Variants in RBM27 observed in about 807,000 individuals in gnomAD.
RBM27 encodes RNA binding motif protein 27, also known as RNA-binding protein 27.
RBM27 carries 22 observed loss-of-function variants against 135.3 expected under a neutral mutation model. The observed-to-expected ratio is 0.16, with a 90% CI of 0.12 to 0.23. The LOEUF (loss-of-function observed/expected upper bound fraction) is 0.23. RBM27 is among the 10% of genes least tolerant of loss of function. The pLI is 1.00. For synonymous variants in RBM27, 481 were observed against 442.4 expected, an observed-to-expected ratio of 1.09 and a Z score of -1.10; for missense variants, 1,009 against 1,281.0, an observed-to-expected ratio of 0.79 and a Z score of 3.24.
intron 12 of RBM27, 64 bp downstream of exon 12, chr5:146,260,962 A>G: frequency 6.8e-7 from 1 of 1,469,660 alleles, no homozygotes; most frequent in South Asian, 1.3e-5. Context: ...TATTTCTATC[A>G]GCTCACCTTG....
intron 19 of RBM27, among the ~76,000 whole-genome samples, chr5:146,280,907 G>T (rs778112729): frequency 1.3e-5 from 2 of 151,854 alleles, no homozygotes; most frequent in Non-Finnish European, 2.9e-5. Flanking sequence ...ACTCAGGCTG[G>T]AGTGCAGTGG....
intron 8 of RBM27, chr5:146,245,358 C>G (rs1757581605): frequency 6.6e-6 from 1 of 152,134 alleles, no homozygotes; most frequent in Non-Finnish European, 1.5e-5. Flanking sequence ...TTGGTCTGTT[C>G]TGCTTCTTGA....
chr5:146,208,737 G>A (rs1755813913), intron 1 of RBM27, among the ~76,000 whole-genome samples: 1 of 152,128 alleles, frequency 6.6e-6, no homozygotes, highest in Non-Finnish European at 1.5e-5. Flanking sequence ...GGAAATAAGT[G>A]CATCACTAAA....
chr5:146,284,707 C>T lies in RBM27; in HGVS notation c.3074C>T (p.Thr1025Ile). ...AAGGTACCATCTATATCCACTGAGACTGAAGAAGAAGAAGTCAAGGAGGAG... is the reference window on the plus strand; with the variant it reads ...AAGGTACCATCTATATCCACTGAGATTGAAGAAGAAGAAGTCAAGGAGGAG... ...KPKVPSISTE[T>I]EEEEVKEEET... The change falls in exon 20 of 21, where the codon ACT (threonine) becomes ATT (isoleucine). Residue 1025 changes from threonine to isoleucine, a missense_variant. Thr to Ile is a moderately conservative substitution (Grantham distance 89). This residue lies in a region of RBM27 where 355 missense variants were observed against 427.3 expected (regional missense o/e 0.83). Transcript: ENST00000265271. The T allele has an allele frequency of 1.2e-6, 2 of 1,610,504 alleles. No homozygotes were observed. The highest frequency in any genetic ancestry group is 1.7e-6 in the Non-Finnish European group (2 of 1,177,728).
Position 146,218,054 on chromosome 5 carries a change from A to C in RBM27, c.60-931A>C, listed in dbSNP as rs147100125. 2.0e-5 allele frequency among the ~76,000 whole-genome samples: 3 copies of C among 152,164 alleles called. No individual in the cohort carries two copies. In the South Asian group the frequency reaches 6.2e-4, roughly 31 times the overall value. On this transcript the variant is annotated intron_variant, in intron 1 of 20. Transcript: ENST00000265271. ...ATTACAGGCATGAGCCATTGCACCC[A>C]GCCTGAATGTTTTCATTTTACCTTC...
Position 146,260,798 on chromosome 5 carries a change from C to T in RBM27, c.1793C>T (p.Thr598Ile). The change falls in exon 12 of 21, where the codon ACA (threonine) becomes ATA (isoleucine). Residue 598 changes from threonine to isoleucine, a missense_variant. Coordinates refer to ENST00000265271, the MANE Select transcript of RBM27 (RefSeq NM_018989.2). Reference sequence around the variant, plus strand: ...GGGTTCTTACGAAAGAATCAGTATACAAACACCAAATTAGAAGTCAAGAAA... The same window carrying T: ...GGGTTCTTACGAAAGAATCAGTATATAAACACCAAATTAGAAGTCAAGAAA... ...KPGFLRKNQYTNTKLEVKKIP... is the reference protein window; with the variant it reads ...KPGFLRKNQYINTKLEVKKIP... The T allele has an allele frequency of 6.2e-7, 1 of 1,613,250 alleles. No individual in the cohort carries two copies. Among genetic ancestry groups the T allele is most frequent in the Non-Finnish European group, 8.5e-7 (1 of 1,179,528 alleles).
intron 20 of RBM27, among the ~76,000 whole-genome samples, chr5:146,285,577 A>G (rs1443484405): frequency 6.6e-6 from 1 of 152,162 alleles, no homozygotes; most frequent in Non-Finnish European, 1.5e-5. Flanking sequence ...ATATAAAAAC[A>G]AAGATTTAGG....
At chr5:146,275,357 G>A (rs1421023912) in intron 19 of RBM27, among the ~76,000 whole-genome samples, 1 of 151,428 alleles carries the variant, frequency 6.6e-6, no homozygotes, top group Non-Finnish European at 1.5e-5. Context: ...TGCAATCTCC[G>A]CCTCCTAGGT....
intron 1 of RBM27, among the ~76,000 whole-genome samples, chr5:146,204,390 G>C (rs1755535727): frequency 6.6e-6 from 1 of 152,184 alleles, no homozygotes; most frequent in Non-Finnish European, 1.5e-5. Context: ...AAATACTATG[G>C]AGTAGATGAA....
chr5:146,226,054 G>A (rs1312647808), intron 3 of RBM27, among the ~76,000 whole-genome samples: 1 of 144,882 alleles, frequency 6.9e-6, no homozygotes, highest in Non-Finnish European at 1.5e-5. Context: ...TTTCAGTAGA[G>A]ACGGGGTTTC....
chr5:146,272,384 C>T (rs951175474), intron 19 of RBM27, among the ~76,000 whole-genome samples: 2 of 152,146 alleles, frequency 1.3e-5, no homozygotes, highest in Non-Finnish European at 2.9e-5. Context: ...CCCTATTCCT[C>T]AAACAACTCT....
intron 8 of RBM27, chr5:146,245,214 G>A (rs942879618): frequency 2.0e-5 from 3 of 151,606 alleles, no homozygotes; most frequent in African/African-American, 7.3e-5. Flanking sequence ...TGGGAGACCA[G>A]AGAACTTGCT....
chr5:146,271,720 C>T lies in RBM27; in HGVS notation c.2988+46C>T, dbSNP rs1440157448. ...ATGCTAACTGTAAAAACACTGTGCT[C>T]ATCATTTTCCTTGCTGCAGTGTCTA... On this transcript the variant is annotated intron_variant, in intron 19 of 20. Coordinates refer to ENST00000265271, the MANE Select transcript of RBM27 (RefSeq NM_018989.2). 1.7e-5 allele frequency: 26 copies of T among 1,507,050 alleles called. No homozygotes were observed. In the East Asian group the frequency reaches 4.8e-4, roughly 28 times the overall value. The allele number at this position is 1,507,050 out of a possible 1,614,324, so 93.4% of individuals were successfully genotyped here.
chr5:146,269,379 TTTA>T, intron 16 of RBM27, 38 bp from the exon 17 acceptor site: 1 of 1,500,070 alleles, frequency 6.7e-7, no homozygotes. Context: ...TATATTAAAG[TTTA>T]TTAAGCATGG....
chr5:146,233,307 A>G, intron 6 of RBM27, 143 bp from the exon 7 acceptor site: 1 of 1,311,538 alleles, frequency 7.6e-7, no homozygotes, highest in Admixed American at 3.2e-5. Flanking sequence ...GTGATGCTTA[A>G]CAGAGTAACA....
rs777227166 is a variant in RBM27 at position 146,203,827 on chromosome 5, G to A, written c.59+3G>A. On this transcript the variant is annotated splice_donor_region_variant and intron_variant, in intron 1 of 20. Transcript: ENST00000265271. ...CTGGCCAAGTTACTGGAGCCGATGT[G>A]AGTGAGCCGGGCTGGGCCGGGGCCG... 3.0e-5 allele frequency: 47 copies of A among 1,543,458 alleles called. 1 individual carries two copies. The Admixed American group carries it at 8.9e-4, about 29-fold the overall frequency.
chr5:146,260,722 AG>A (rs1758359520), intron 11 of RBM27, 22 bp from the exon 12 acceptor site: 2 of 1,575,074 alleles, frequency 1.3e-6, no homozygotes, highest in Non-Finnish European at 8.6e-7. Flanking sequence ...GAATTAACCA[AG>A]ATGTATTAAT....
At chr5:146,211,564 C>A (rs567769647) in intron 1 of RBM27, among the ~76,000 whole-genome samples, 45 of 145,198 alleles carry the variant, frequency 3.1e-4, no homozygotes, top group Non-Finnish European at 6.4e-4. Flanking sequence ...TCACCACAAC[C>A]TCCGCCTCCT....
intron 1 of RBM27, among the ~76,000 whole-genome samples, chr5:146,214,035 C>T (rs1230670533): frequency 6.6e-6 from 1 of 152,032 alleles, no homozygotes. Flanking sequence ...ATTAATTTTT[C>T]CTGCAGATGT....
Sources: gnomAD v4.1 joint callset for allele counts (sites outside exome capture counted in the v4.1 genomes callset) on GRCh38, gnomAD v4.1.1 for gene constraint, gnomAD v4.1.1 regional missense constraint, MANE v1.5 for transcripts, NCBI Gene and HGNC (gene_info 2026-07-23, HGNC 2026-07-21) for gene names.